Variants in PRUNE2 observed in about 807,000 individuals in gnomAD.
PRUNE2 encodes prune homolog 2 with BCH domain.
Under a neutral mutation model 252.0 loss-of-function variants are expected in PRUNE2, and 164 were observed. The observed-to-expected ratio is 0.65, with a 90% CI of 0.57 to 0.74. The LOEUF is 0.74. Among genes scored for constraint, PRUNE2 ranks in the 30% least tolerant of loss-of-function variants. The probability of loss-of-function intolerance (pLI) is 0.00; values close to 1 mark genes in which losing one functional copy is unlikely to be tolerated. For missense variants in PRUNE2, 3,495 were observed against 3,711.0 expected (o/e 0.94, Z 1.51); for synonymous variants, 1,292 against 1,350.2 (o/e 0.96, Z 0.94).
chr9:76,788,686 AGTGG>A (rs1564307819), intron 6 of PRUNE2, among the ~76,000 whole-genome samples: 1 of 152,194 alleles, frequency 6.6e-6, no homozygotes, highest in Non-Finnish European at 1.5e-5. Context: ...AGACAACCTG[AGTGG>A]GGCCACATCT....
chr9:76,774,857 T>C (rs1372065673), intron 6 of PRUNE2, among the ~76,000 whole-genome samples: 1 of 152,148 alleles, frequency 6.6e-6, no homozygotes, highest in Non-Finnish European at 1.5e-5. Context: ...AGATTGTAGA[T>C]TTTAGAGACA....
At chr9:76,727,621 A>G (rs1266082605) in intron 6 of PRUNE2, among the ~76,000 whole-genome samples, 1 of 144,408 alleles carries the variant, frequency 6.9e-6, no homozygotes, top group Non-Finnish European at 1.5e-5. Flanking sequence ...TATTTTCCAG[A>G]GTTGTTTCTT....
At chr9:76,859,093 A>G (rs2060417964) in intron 1 of PRUNE2, among the ~76,000 whole-genome samples, 1 of 152,196 alleles carries the variant, frequency 6.6e-6, no homozygotes, top group Non-Finnish European at 1.5e-5. Flanking sequence ...CCCAAACCCA[A>G]TACAAAATGG....
At chr9:76,850,957 G>C (rs1038658756) in intron 2 of PRUNE2, among the ~76,000 whole-genome samples, 1 of 150,300 alleles carries the variant, frequency 6.7e-6, no homozygotes, top group Non-Finnish European at 1.5e-5. Context: ...TACTACATAT[G>C]ATTAAAATTT....
At chr9:76,730,792 A>G (rs940527044) in intron 6 of PRUNE2, among the ~76,000 whole-genome samples, 6 of 152,154 alleles carry the variant, frequency 3.9e-5, no homozygotes, top group East Asian at 1.9e-4. Flanking sequence ...AATCCCAGCT[A>G]TTCGGGAGGC....
At chr9:76,897,210 A>G (rs1042698508) in intron 1 of PRUNE2, among the ~76,000 whole-genome samples, 32 of 152,118 alleles carry the variant, frequency 2.1e-4, no homozygotes, top group African/African-American at 7.5e-4. Context: ...CTTACCACTC[A>G]GCCCTCCTAT....
In PRUNE2 at chr9:76,850,639, T is replaced by C. The variant is rs865789114; in HGVS notation, c.168A>G (p.Leu56=). Residue 56 remains leucine (L), a synonymous_variant, in exon 3 of 19, where the codon TTA becomes TTG. Transcript: ENST00000376718. The stretch of plus-strand genomic sequence containing the variant: ...CAGTTCTTGGTATGTTCAGCACTGG[T>C]AAACACAGAACCCCTGGTGGACTGA... ...DKVSPPGVLC[L]PVLNIPRTEF... is the part of the protein sequence containing the mutation. 1 of 1,614,016 alleles carries C rather than the reference T, an allele frequency of 6.2e-7. No individual in the cohort carries two copies. The highest frequency in any genetic ancestry group is 1.6e-4 in the Middle Eastern group (1 of 6,062).
chr9:76,810,821 C>T (rs1421179668), intron 6 of PRUNE2, among the ~76,000 whole-genome samples: 1 of 152,210 alleles, frequency 6.6e-6, no homozygotes, highest in Admixed American at 6.5e-5. Context: ...GGCACTCTAA[C>T]ACAAATGTAG....
intron 1 of PRUNE2, among the ~76,000 whole-genome samples, chr9:76,877,724 C>A (rs540925638): frequency 1.3e-5 from 2 of 152,212 alleles, no homozygotes; most frequent in South Asian, 4.2e-4. Context: ...AATAATCTGC[C>A]ATTTGAAGAA....
At position 76,884,286 on chromosome 9, in the gene PRUNE2, C is replaced by T. The variant is rs567071520; in HGVS notation, c.36+21642G>A. On this transcript the variant is annotated intron_variant, in intron 1 of 18. Transcript: ENST00000376718. ...TTTACAACATAATCGGGTGGGGGCT[C>T]GTTTAATCTAAAATATCCCTTCTGG... Among the ~76,000 whole-genome samples, 32 of 152,214 alleles carry T rather than the reference C, an allele frequency of 2.1e-4. No homozygotes were observed. In the South Asian group the frequency reaches 4.4e-3, roughly 21 times the overall value.
intron 6 of PRUNE2, among the ~76,000 whole-genome samples, chr9:76,789,058 C>T (rs1345594799): frequency 6.6e-6 from 1 of 152,158 alleles, no homozygotes; most frequent in Admixed American, 6.5e-5. Flanking sequence ...CTTCAGCCTC[C>T]ACCCTCATAT....
At position 76,644,911 on chromosome 9, in the gene PRUNE2, T is replaced by G. The variant is rs764075959; in HGVS notation, c.8558-2A>C. On this transcript the variant is annotated splice_acceptor_variant, in intron 11 of 18. Coordinates refer to ENST00000376718, the MANE Select transcript of PRUNE2 (RefSeq NM_015225.3). LOFTEE classifies it high-confidence loss of function. ...CAGAATCTTTGTTGGCTGTGGGATC[T>G]TCTGGAAACAAAGCACAGAGCAAGG... The G allele has an allele frequency of 3.7e-6, 6 of 1,612,832 alleles. No individual in the cohort carries two copies. The Admixed American group carries it at 8.4e-5, about 22-fold the overall frequency.
chr9:76,800,969 A>G (rs552132891), intron 6 of PRUNE2, among the ~76,000 whole-genome samples: 44 of 152,344 alleles, frequency 2.9e-4, no homozygotes, highest in Admixed American at 9.1e-4. Context: ...CAACCTCCAA[A>G]TGATAAATTG....
intron 2 of PRUNE2, among the ~76,000 whole-genome samples, chr9:76,852,871 T>C (rs1409797176): frequency 1.3e-5 from 2 of 152,188 alleles, no homozygotes; most frequent in Non-Finnish European, 2.9e-5. Context: ...CTATCACAAT[T>C]ACTTTTTCTA....
Position 76,706,948 on chromosome 9 carries a change from C to A in PRUNE2, c.5326G>T (p.Glu1776Ter). ...PWTFSPLTET[E>*]MQITAVEKEK... ...TTCTCCACTGCTGTAATCTGCATTTCAGTCTCCGTTAATGGTGAGAAAGTC... is the reference window on the plus strand; with the variant it reads ...TTCTCCACTGCTGTAATCTGCATTTAAGTCTCCGTTAATGGTGAGAAAGTC... The change falls in exon 8 of 19, where the codon GAA (glutamate) becomes TAA (stop). Residue 1776 changes from glutamate to a stop codon, truncating the protein, a stop_gained. Coordinates refer to ENST00000376718, the MANE Select transcript of PRUNE2 (RefSeq NM_015225.3). LOFTEE classifies it high-confidence loss of function. 6.2e-7 allele frequency: 1 copy of A among 1,613,234 alleles called. No individual in the cohort carries two copies. Among genetic ancestry groups the A allele is most frequent in the Non-Finnish European group, 8.5e-7 (1 of 1,179,634 alleles).
At chr9:76,897,591 T>C (rs746689792) in intron 1 of PRUNE2, among the ~76,000 whole-genome samples, 3 of 151,806 alleles carry the variant, frequency 2.0e-5, no homozygotes, top group East Asian at 3.9e-4. Context: ...TTTTTTTGTA[T>C]TTTTAGTAGA....
At position 76,704,827 on chromosome 9, in the gene PRUNE2, C is replaced by T. The variant is rs747349604; in HGVS notation, c.7447G>A (p.Val2483Ile). ...AGSNILSPSN[V>I]DWEVETDNSD... ...TTATCTGTTTCTACTTCCCAGTCAA[C>T]GTTTGATGGAGACAAAATGTTGGAG... Residue 2483 changes from valine to isoleucine, a missense_variant, in exon 8 of 19, where the codon GTT becomes ATT. Transcript: ENST00000376718. 8 of 1,591,608 alleles carry T rather than the reference C, an allele frequency of 5.0e-6. No homozygotes were observed. The highest frequency in any genetic ancestry group is 6.0e-6 in the Non-Finnish European group (7 of 1,167,476).
rs1588941112 is a variant in PRUNE2, at chr9:76,738,203, G to A, written c.757-24482C>T. ...TACCAGGTAAGGAGAATCACTGTGA[G>A]GGGATATTTAAGGCGTAAACATTAG... On this transcript the variant is annotated intron_variant, in intron 6 of 18. Transcript: ENST00000376718. 3 of 152,104 alleles carry A rather than the reference G, an allele frequency of 2.0e-5. No homozygotes were observed. In the South Asian group the frequency reaches 6.2e-4, roughly 32 times the overall value. The allele number at this position is 152,104 out of a possible 1,614,324, so 9.4% of individuals were successfully genotyped here. A position where few individuals can be genotyped will look rare whatever the true frequency, so the allele number is the denominator to read the frequency against.
At chr9:76,811,310 C>T (rs1378087278) in intron 6 of PRUNE2, among the ~76,000 whole-genome samples, 1 of 152,118 alleles carries the variant, frequency 6.6e-6, no homozygotes, top group East Asian at 1.9e-4. Context: ...AAGAAAGTTC[C>T]AAGTGTCACA....
Sources: allele counts gnomAD v4.1 joint callset (sites outside exome capture counted in the v4.1 genomes callset), GRCh38; gene constraint gnomAD v4.1.1; transcripts MANE v1.5; gene names NCBI Gene and HGNC (gene_info 2026-07-23, HGNC 2026-07-21).